Variants in HEATR1 observed in about 807,000 individuals in gnomAD.
The protein encoded by HEATR1 is HEAT repeat-containing protein 1.
A neutral mutation model predicts 248.2 loss-of-function variants in HEATR1; 77 were observed. The ratio of observed to expected loss-of-function variants is 0.31; its 90% confidence interval spans 0.26 to 0.37. The LOEUF is 0.37. Ranked by LOEUF, HEATR1 falls within the 10% of genes least tolerant of loss-of-function variation. The probability of loss-of-function intolerance (pLI) is 1.00; values close to 1 mark genes in which losing one functional copy is unlikely to be tolerated. For synonymous variants in HEATR1, 897 were observed against 923.1 expected (o/e 0.97, Z 0.51); for missense variants, 2,420 against 2,504.9 (o/e 0.97, Z 0.72).
chr1:236,563,629 GATC>G (rs1301423013), intron 32 of HEATR1, among the ~76,000 whole-genome samples: 2 of 152,176 alleles, frequency 1.3e-5, no homozygotes, highest in African/African-American at 2.4e-5. Flanking sequence ...AATGTAAAAT[GATC>G]ATATGGTTTC....
chr1:236,570,043 C>CT (rs1663381432), intron 28 of HEATR1, among the ~76,000 whole-genome samples: 1 of 152,170 alleles, frequency 6.6e-6, no homozygotes, highest in Non-Finnish European at 1.5e-5. Flanking sequence ...AGTTCCAGCA[C>CT]TTTGGGAGGC....
intron 28 of HEATR1, 115 bp downstream of exon 28, chr1:236,571,236 G>T: frequency 1.6e-6 from 2 of 1,264,936 alleles, no homozygotes; most frequent in Non-Finnish European, 2.1e-6. Context: ...TCTCACCAGT[G>T]CTGGAAGATT....
chr1:236,575,943 G>GAC (rs1275808495), intron 22 of HEATR1, among the ~76,000 whole-genome samples: 1 of 152,136 alleles, frequency 6.6e-6, no homozygotes, highest in African/African-American at 2.4e-5. Context: ...AGCCCCATGA[G>GAC]ACACGAGACT....
intron 23 of HEATR1, 122 bp downstream of exon 23, chr1:236,574,539 C>T (rs1663515341): frequency 2.3e-6 from 3 of 1,301,448 alleles, no homozygotes; most frequent in African/African-American, 1.5e-5. Context: ...ACGTCTAGTC[C>T]ACCTGTAACT....
In HEATR1 at chr1:236,581,238, T is replaced by G; in HGVS notation, c.2739A>C (p.Ala913=). ...TTTTAATACCTGGAGAAGATATGGA[T>G]GCCAGTTGGTGTTTACACTGTGTCT... ...SQKTQCKHQL[A]SISSPVVTSL... The change falls in exon 20 of 45, where the codon GCA becomes GCC. Residue 913 remains alanine, a synonymous_variant. Coordinates refer to ENST00000366582, the MANE Select transcript of HEATR1 (RefSeq NM_018072.6). 6.2e-7 allele frequency: 1 copy of G among 1,613,288 alleles called. No homozygotes were observed. The highest frequency in any genetic ancestry group is 8.5e-7 in the Non-Finnish European group (1 of 1,179,522).
At chr1:236,570,428 G>A (rs532078621) in intron 28 of HEATR1, among the ~76,000 whole-genome samples, 1 of 152,126 alleles carries the variant, frequency 6.6e-6, no homozygotes, top group Non-Finnish European at 1.5e-5. Context: ...ATTACTAGTG[G>A]CCAGGAGCAG....
At position 236,555,564 on chromosome 1, in the gene HEATR1, G is replaced by C; in HGVS notation, c.5741C>G (p.Pro1914Arg). 5 of 1,614,110 alleles carry C rather than the reference G, an allele frequency of 3.1e-6. No homozygotes were observed. Among genetic ancestry groups the C allele is most frequent in the Non-Finnish European group, 4.2e-6 (5 of 1,180,008 alleles). The change falls in exon 40 of 45, where the codon CCC becomes CGC. Residue 1914 changes from proline (P) to arginine (R), a missense_variant. Coordinates refer to ENST00000366582, the MANE Select transcript of HEATR1 (RefSeq NM_018072.6). ...AGAAAGCGTCACCTTGAAGAACAGG[G>C]GCCTGAATGTGACCTCGGAAAGTTT... ...VVKLSEVTFR[P>R]LFFKLFDWAK...
At chr1:236,552,456 G>A (rs116025991) in intron 43 of HEATR1, 1,809 of 163,866 alleles carry the variant, frequency 0.011, 19 homozygotes, top group Non-Finnish European at 0.015. Context: ...ATTGGCGCTC[G>A]CCAGCCCGCC....
intron 33 of HEATR1, 136 bp from the exon 34 acceptor site, chr1:236,559,973 C>T (rs755152769): frequency 4.0e-5 from 37 of 920,390 alleles, no homozygotes; most frequent in Non-Finnish European, 5.4e-5. Context: ...AAAAACTACT[C>T]GGAAAGAAAG....
At chr1:236,571,802 A>C in intron 26 of HEATR1, 116 bp from the exon 27 acceptor site, 1 of 703,444 alleles carries the variant, frequency 1.4e-6, no homozygotes, top group South Asian at 1.7e-5. Context: ...ATAAGGAATA[A>C]CTAAAATACT....
Position 236,570,404 on chromosome 1 carries a change from G to C in HEATR1, c.3948+947C>G, listed in dbSNP as rs139935037. Among the ~76,000 whole-genome samples the C allele has an allele frequency of 3.3e-3, 500 of 152,292 alleles. 8 individuals carry two copies. Among genetic ancestry groups the C allele is most frequent in the African/African-American group, 0.011 (461 of 41,560 alleles). Reference sequence around the variant, plus strand: ...CATGTCCAGCATAGGCAGATTGAGAGAGACAGAAAATGGATTACTAGTGGC... The same window carrying C: ...CATGTCCAGCATAGGCAGATTGAGACAGACAGAAAATGGATTACTAGTGGC... On this transcript the variant is annotated intron_variant, in intron 28 of 44. Transcript: ENST00000366582.
chr1:236,559,624 C>G (rs962897917), intron 34 of HEATR1, 90 bp downstream of exon 34: 1 of 1,380,214 alleles, frequency 7.2e-7, no homozygotes, highest in African/African-American at 1.5e-5. Context: ...AAAGGAATTG[C>G]TAAGTTTATT....
At chr1:236,581,531 C>T in intron 19 of HEATR1, 117 bp from the exon 20 acceptor site, 1 of 691,086 alleles carries the variant, frequency 1.4e-6, no homozygotes, top group East Asian at 3.0e-5. Flanking sequence ...CAAAGTTTTG[C>T]TTTGTCTAAT....
chr1:236,595,668 A>T lies in HEATR1; in HGVS notation c.962T>A (p.Phe321Tyr). The stretch of plus-strand genomic sequence containing the variant: ...ATCAGGAACATTACATAAGTGAGGG[A>T]ATGGCCTTTGAAGAAGCAAAAGTAC... ...QKPESLGKKPFPHLCNVPDLI... is the reference protein window; with the variant it reads ...QKPESLGKKPYPHLCNVPDLI... The change falls in exon 8 of 45, where the codon TTC (phenylalanine) becomes TAC (tyrosine). Residue 321 changes from phenylalanine (F) to tyrosine (Y), a missense_variant. Coordinates refer to ENST00000366582, the MANE Select transcript of HEATR1 (RefSeq NM_018072.6). The T allele has an allele frequency of 6.2e-7, 1 of 1,611,326 alleles. No homozygotes were observed. The highest frequency in any genetic ancestry group is 8.5e-7 in the Non-Finnish European group (1 of 1,178,528).
rs1383652725 is a variant in HEATR1 at position 236,574,824 on chromosome 1, T to C, written c.3164A>G (p.Asp1055Gly). ...AGTGAGATGCAGAACCATGGCCTCATCTTTCAGCACAGCTGTGGGCTCCTT... is the reference window on the plus strand; with the variant it reads ...AGTGAGATGCAGAACCATGGCCTCACCTTTCAGCACAGCTGTGGGCTCCTT... Reference protein sequence around the residue: ...IQKEPTAVLKDEAMVLHLTLG... With the variant: ...IQKEPTAVLKGEAMVLHLTLG... Residue 1055 changes from aspartate (D) to glycine (G), a missense_variant, in exon 23 of 45, where the codon GAT becomes GGT. Physicochemically the swap from Asp to Gly is moderately conservative, Grantham distance 94. Transcript: ENST00000366582. The C allele has an allele frequency of 1.2e-6, 2 of 1,614,022 alleles. No homozygotes were observed. Among genetic ancestry groups the C allele is most frequent in the Non-Finnish European group, 1.7e-6 (2 of 1,179,868 alleles).
In HEATR1 at chr1:236,595,910, A is replaced by T. The variant is rs770179137; in HGVS notation, c.879T>A (p.Ile293=). Residue 293 remains isoleucine (I), a synonymous_variant, in exon 7 of 45, where the codon ATT becomes ATA. Transcript: ENST00000366582. ...TTAACCCATCCTTGATCAAAGAGGG[A>T]ATCTTGGTCAATGTTTTGATGATCT... ...ASQIIKTLTK[I]PSLIKDGLSC... is the part of the protein sequence containing the mutation. 6.2e-7 allele frequency: 1 copy of T among 1,613,980 alleles called. No homozygotes were observed. The highest frequency in any genetic ancestry group is 1.7e-5 in the Admixed American group (1 of 60,026).
chr1:236,587,331 G>A lies in HEATR1; in HGVS notation c.1715+71C>T, dbSNP rs1166448704. 16 of 680,588 alleles carry A rather than the reference G, an allele frequency of 2.4e-5. No individual in the cohort carries two copies. The East Asian group carries it at 4.2e-4, about 18-fold the overall frequency. The allele number at this position is 680,588 out of a possible 1,614,324, so 42.2% of individuals were successfully genotyped here. ...ATCAAAGCCTTAAAAAAAAAAAGAAGAAGAAATAGAAAGAACTTGATATAA... is the reference window on the plus strand; with the variant it reads ...ATCAAAGCCTTAAAAAAAAAAAGAAAAAGAAATAGAAAGAACTTGATATAA... On this transcript the variant is annotated intron_variant, in intron 14 of 44. Transcript: ENST00000366582.
At chr1:236,587,699 T>C (rs529904547) in intron 13 of HEATR1, among the ~76,000 whole-genome samples, 1 of 152,278 alleles carries the variant, frequency 6.6e-6, no homozygotes, top group African/African-American at 2.4e-5. Flanking sequence ...GATAAAAATA[T>C]GTTAAAAGCA....
chr1:236,557,183 A>G lies in HEATR1; in HGVS notation c.5355+12T>C. On this transcript the variant is annotated intron_variant, in intron 37 of 44. Transcript: ENST00000366582. The stretch of plus-strand genomic sequence containing the variant: ...CCACCCTGCGTAGCATGTCGTGGCT[A>G]TCGTGGCTCACCTGGGAGAGAATGC... 1 of 1,613,290 alleles carries G rather than the reference A, an allele frequency of 6.2e-7. No individual in the cohort carries two copies. The highest frequency in any genetic ancestry group is 1.7e-4 in the Middle Eastern group (1 of 6,024).
Sources: allele counts gnomAD v4.1 joint callset (sites outside exome capture counted in the v4.1 genomes callset), GRCh38; gene constraint gnomAD v4.1.1; transcripts MANE v1.5; gene names NCBI Gene and HGNC (gene_info 2026-07-23, HGNC 2026-07-21).